WDR19: variants seen among roughly 807,000 people sequenced by gnomAD.
The protein encoded by WDR19 is WD repeat-containing protein 19.
A neutral mutation model predicts 180.0 loss-of-function variants in WDR19; 121 were observed. The ratio of observed to expected loss-of-function variants is 0.67; its 90% CI spans 0.58 to 0.78. WDR19 has a LOEUF of 0.78. WDR19 is among the 30% of genes least tolerant of loss of function. The pLI, the probability that WDR19 is intolerant of heterozygous loss-of-function variation, is 0.00. For synonymous variants in WDR19, 497 were observed against 540.7 expected, an observed-to-expected ratio of 0.92 and a Z score of 1.12; for missense variants, 1,450 against 1,640.7, an observed-to-expected ratio of 0.88 and a Z score of 2.01.
chr4:39,226,026 A>G (rs979501262), intron 15 of WDR19, among the ~76,000 whole-genome samples: 3 of 152,214 alleles, frequency 2.0e-5, no homozygotes, highest in African/African-American at 4.8e-5. Context: ...AGTTTCCTCT[A>G]CTTAATACAG....
intron 14 of WDR19, 22 bp from the exon 15 acceptor site, chr4:39,224,862 C>T: frequency 5.5e-6 from 8 of 1,442,510 alleles, no homozygotes; most frequent in South Asian, 2.9e-5. Flanking sequence ...ATTTTCATGG[C>T]TGGATTTTTT....
chr4:39,244,559 G>A lies in WDR19; in HGVS notation c.2645+7G>A, dbSNP rs1181643683. 2 of 1,613,962 alleles carry A rather than the reference G, an allele frequency of 1.2e-6. No individual in the cohort carries two copies. The highest frequency in any genetic ancestry group is 4.5e-5 in the East Asian group (2 of 44,886). On this transcript the variant is annotated splice_region_variant and intron_variant, in intron 23 of 36. Coordinates refer to ENST00000399820, the MANE Select transcript of WDR19 (RefSeq NM_025132.4). ...ACATCCGCTCTAAGAATTGGTAAGA[G>A]CTGCCTGCGGTTTGTTTCTGAACAG...
At chr4:39,270,375 G>C (rs12643415) in intron 31 of WDR19, among the ~76,000 whole-genome samples, 79,420 of 151,920 alleles carry the variant, frequency 0.52, 22,043 homozygotes, top group African/African-American at 0.72. Context: ...ATAGTGTGTG[G>C]GTTGTTTTGT....
chr4:39,264,205 A>G (rs1249986856), intron 28 of WDR19, among the ~76,000 whole-genome samples: 1 of 152,176 alleles, frequency 6.6e-6, no homozygotes, highest in Non-Finnish European at 1.5e-5. Context: ...CCACGATCAC[A>G]TGGGTCTCAA....
In WDR19 at chr4:39,231,879, A is replaced by C. The variant is rs1350259300; in HGVS notation, c.2065A>C (p.Met689Leu). 1 of 1,613,512 alleles carries C rather than the reference A, an allele frequency of 6.2e-7. No homozygotes were observed. Among genetic ancestry groups the C allele is most frequent in the Non-Finnish European group, 8.5e-7 (1 of 1,179,470 alleles). Residue 689 changes from methionine to leucine, a missense_variant, in exon 18 of 37, where the codon ATG (methionine) becomes CTG (leucine). Transcript: ENST00000399820. ...NELARACLHH[M>L]EVEFAIRVYR... is the part of the protein sequence containing the mutation. ...GTTGGCCAGAGCTTGTCTACATCACATGGAAGTGGAGTTTGCAATCCGTGT... is the reference window on the plus strand; with the variant it reads ...GTTGGCCAGAGCTTGTCTACATCACCTGGAAGTGGAGTTTGCAATCCGTGT...
At position 39,282,814 on chromosome 4, in the gene WDR19, C is replaced by T. The variant is rs545399855; in HGVS notation, c.*14-2673C>T. On this transcript the variant is annotated intron_variant, in intron 36 of 36. Coordinates refer to ENST00000399820, the MANE Select transcript of WDR19 (RefSeq NM_025132.4). ...TAGTTTTTCATTTTCTAATTGATTA[C>T]GTAGGAAAGTGCAATTAATTTTTAT... Among the ~76,000 whole-genome samples, 12 of 152,252 alleles carry T rather than the reference C, an allele frequency of 7.9e-5. 1 individual carries two copies. Among genetic ancestry groups the T allele is most frequent in the South Asian group, 4.1e-4 (2 of 4,824 alleles).
chr4:39,214,480 A>T (rs529465993), intron 9 of WDR19, 121 bp from the exon 10 acceptor site: 3 of 592,606 alleles, frequency 5.1e-6, no homozygotes, highest in Non-Finnish European at 6.0e-6. Flanking sequence ...CCAGTAGATC[A>T]TTCTGTACAT....
At chr4:39,241,521 G>T (rs1329638730) in intron 21 of WDR19, among the ~76,000 whole-genome samples, 1 of 149,438 alleles carries the variant, frequency 6.7e-6, no homozygotes, top group Non-Finnish European at 1.5e-5. Flanking sequence ...GTGGGTCCGG[G>T]GCCGGGCACA....
chr4:39,268,091 G>A lies in WDR19; in HGVS notation c.3358G>A (p.Gly1120Ser), dbSNP rs1436389201. The A allele has an allele frequency of 1.3e-6, 2 of 1,579,200 alleles. No homozygotes were observed. The highest frequency in any genetic ancestry group is 1.7e-6 in the Non-Finnish European group (2 of 1,160,918). ...CATTGCCAGAGAAGAGCAGTCTGCA[G>A]GTAGGTCCGTGATACGTATGTGTTA... The part of the protein sequence containing the change: ...IIIAREEQSA[G>S]NYRNAHDVLF... Residue 1120 changes from glycine to serine, a missense_variant and splice_region_variant, in exon 30 of 37, where the codon GGC becomes AGC. Transcript: ENST00000399820.
rs750106753 is a variant in WDR19 at position 39,240,264 on chromosome 4, A to AT, written c.2364-4dup. ...ATTAAAATTATTAAAATTCACTCTTATTTTTTTTTCAGGGGTGATTATGTA... is the reference window on the plus strand; with the variant it reads ...ATTAAAATTATTAAAATTCACTCTTATTTTTTTTTTCAGGGGTGATTATGTA... On this transcript the variant is annotated splice_polypyrimidine_tract_variant and intron_variant, in intron 20 of 36. Coordinates refer to ENST00000399820, the MANE Select transcript of WDR19 (RefSeq NM_025132.4). 4,673 of 1,223,274 alleles carry AT rather than the reference A, an allele frequency of 3.8e-3. No homozygotes were observed. The highest frequency in any genetic ancestry group is 4.1e-3 in the South Asian group (182 of 44,764). 75.8% of individuals were successfully genotyped at this position (1,223,274 alleles called of 1,614,324 possible). A position where few individuals can be genotyped will look rare whatever the true frequency, so the allele number is the denominator to read the frequency against.
chr4:39,258,436 C>T (rs972987232), intron 28 of WDR19, among the ~76,000 whole-genome samples: 2 of 152,134 alleles, frequency 1.3e-5, no homozygotes, highest in African/African-American at 4.8e-5. Flanking sequence ...CAGGTGTGAG[C>T]CACTGCACCC....
intron 14 of WDR19, among the ~76,000 whole-genome samples, chr4:39,223,877 T>G (rs1729961688): frequency 1.3e-5 from 2 of 152,222 alleles, no homozygotes; most frequent in African/African-American, 4.8e-5. Context: ...TGTGTGTCTA[T>G]CTACAAAAAA....
chr4:39,275,083 TAA>T (rs1193558900), intron 33 of WDR19, 125 bp downstream of exon 33: 1 of 1,195,354 alleles, frequency 8.4e-7, no homozygotes, highest in Non-Finnish European at 1.2e-6. Context: ...CTCACACCTA[TAA>T]TCCCAACACT....
chr4:39,212,523 G>A (rs1041325042), intron 9 of WDR19, among the ~76,000 whole-genome samples: 6 of 152,216 alleles, frequency 3.9e-5, no homozygotes, highest in South Asian at 4.1e-4. Flanking sequence ...CGGACGCGGT[G>A]CCTCACATCT....
rs180678684 is a variant in WDR19 at position 39,235,451 on chromosome 4, T to C, written c.2363+576T>C. 3.5e-4 allele frequency among the ~76,000 whole-genome samples: 54 copies of C among 152,274 alleles called. 1 individual carries two copies. In the East Asian group the frequency reaches 0.01, roughly 29 times the overall value. On this transcript the variant is annotated intron_variant, in intron 20 of 36. Coordinates refer to ENST00000399820, the MANE Select transcript of WDR19 (RefSeq NM_025132.4). ...AGCCTAATTATTATTTTTAATCACA[T>C]GTGGCCATCAACAACTATGCATAGC... is the stretch of plus-strand genomic sequence containing the variant.
chr4:39,187,642 G>A lies in WDR19; in HGVS notation c.164+1038G>A, dbSNP rs377070897. ...ATTAACTCTCTTAATTGTGGCTTCT[G>A]GTTTCTGTATTCCTGGAAACAGATC... On this transcript the variant is annotated intron_variant, in intron 3 of 36. Transcript: ENST00000399820. Among the ~76,000 whole-genome samples, 327 of 152,128 alleles carry A rather than the reference G, an allele frequency of 2.1e-3. 7 individuals carry two copies. In the South Asian group the frequency reaches 0.063, roughly 29 times the overall value.
intron 17 of WDR19, among the ~76,000 whole-genome samples, chr4:39,229,722 C>T (rs1730643689): frequency 1.3e-5 from 2 of 152,166 alleles, no homozygotes; most frequent in Admixed American, 1.3e-4. Context: ...CATGGCTCAA[C>T]ATACCACCCA....
chr4:39,205,670 AAG>A lies in WDR19; in HGVS notation c.826_827del (p.Asp276Ter), dbSNP rs1727874138. On this transcript the variant is annotated frameshift_variant, in exon 9 of 37. Coordinates refer to ENST00000399820, the MANE Select transcript of WDR19 (RefSeq NM_025132.4). LOFTEE classifies it high-confidence loss of function. ...GAGATATTTCAGGCTCGTAACCATA[AAG>A]ATAATCTAACCAGCATTGCAGTATC... is the stretch of plus-strand genomic sequence containing the variant. 6.8e-6 allele frequency: 11 copies of A among 1,611,912 alleles called. No individual in the cohort carries two copies. Among genetic ancestry groups the A allele is most frequent in the Non-Finnish European group, 8.5e-6 (10 of 1,178,872 alleles).
At chr4:39,276,379 A>G (rs1026461263) in intron 33 of WDR19, among the ~76,000 whole-genome samples, 15 of 152,208 alleles carry the variant, frequency 9.9e-5, no homozygotes, top group African/African-American at 3.4e-4. Context: ...CCCCAACAGC[A>G]TAGAACCACG....
Sources: allele counts gnomAD v4.1 joint callset (sites outside exome capture counted in the v4.1 genomes callset), GRCh38; gene constraint gnomAD v4.1.1; transcripts MANE v1.5; gene names NCBI Gene and HGNC (gene_info 2026-07-23, HGNC 2026-07-21).